Variants in OR4Q3 observed in about 807,000 individuals in gnomAD.
OR4Q3 encodes the protein olfactory receptor family 4 subfamily Q member 3, also known as olfactory receptor 4Q3.
Under a neutral mutation model 18.8 loss-of-function variants are expected in OR4Q3, and 17 were observed. That is an observed-to-expected ratio of 0.91 (90% confidence interval 0.62 to 1.36). The LOEUF (loss-of-function observed/expected upper bound fraction) is 1.36. OR4Q3 is among the 40% of genes most tolerant of loss of function. The probability of loss-of-function intolerance (pLI) is 0.00; values close to 1 mark genes in which losing one functional copy is unlikely to be tolerated. For synonymous variants in OR4Q3, 158 were observed against 145.8 expected, an observed-to-expected ratio of 1.08 and a Z score of -0.60; for missense variants, 378 against 373.4, an observed-to-expected ratio of 1.01 and a Z score of -0.10.
downstream of OR4Q3, among the ~76,000 whole-genome samples, chr14:19,750,410 G>A: frequency 6.6e-6 from 1 of 152,172 alleles, no homozygotes; most frequent in Admixed American, 6.6e-5. Flanking sequence ...AATATTTTAT[G>A]GCTATGAAAA....
downstream of OR4Q3, among the ~76,000 whole-genome samples, chr14:19,752,153 A>G: frequency 2.0e-5 from 3 of 152,230 alleles, no homozygotes; most frequent in Admixed American, 6.5e-5. Flanking sequence ...TTGCAACAAA[A>G]CCAAAAATTG....
exon 1 of OR4Q3, chr14:19,743,587 T>A (rs1010072612): frequency 1.3e-5 from 2 of 152,482 alleles, no homozygotes; most frequent in African/African-American, 4.8e-5. Context: ...TTTGCTGGCC[T>A]GAGGCTGAAG....
At chr14:19,750,668 G>A, downstream of OR4Q3, among the ~76,000 whole-genome samples, 457 of 152,206 alleles carry the variant, frequency 3.0e-3, 1 homozygote, top group South Asian at 0.039. Context: ...TTATTTTTGT[G>A]TTGGGAGTTA....
chr14:19,751,513 G>A, downstream of OR4Q3, among the ~76,000 whole-genome samples: 1 of 150,316 alleles, frequency 6.7e-6, no homozygotes, highest in Admixed American at 6.6e-5. Context: ...TCTGGTCCTG[G>A]GCTTTTTTTG....
At chr14:19,747,490 G>C in exon 2 of OR4Q3, 1 of 1,613,218 alleles carries the variant, frequency 6.2e-7, no homozygotes. Flanking sequence ...CATCTTCTTG[G>C]GAGCTGCAGC....
At chr14:19,744,960 A>G in intron 1 of OR4Q3, among the ~76,000 whole-genome samples, 1 of 152,304 alleles carries the variant, frequency 6.6e-6, no homozygotes, top group South Asian at 2.1e-4. Context: ...AAATGTGGAA[A>G]TGTTACTAAA....
intron 1 of OR4Q3, among the ~76,000 whole-genome samples, chr14:19,745,953 T>G: frequency 1.4e-4 from 22 of 152,190 alleles, no homozygotes; most frequent in African/African-American, 5.3e-4. Flanking sequence ...ACAATCATGG[T>G]GTGACAGAGG....
downstream of OR4Q3, among the ~76,000 whole-genome samples, chr14:19,750,510 C>A: frequency 6.6e-6 from 1 of 152,066 alleles, no homozygotes; most frequent in Non-Finnish European, 1.5e-5. Flanking sequence ...AATGAATTGC[C>A]ATAGAGAGGC....
chr14:19,751,373 T>C, downstream of OR4Q3, among the ~76,000 whole-genome samples: 3 of 152,224 alleles, frequency 2.0e-5, no homozygotes, highest in African/African-American at 7.2e-5. Context: ...GATTTTGGTA[T>C]TAAGCTGATG....
chr14:19,747,840 A>T, exon 2 of OR4Q3: 1 of 1,607,998 alleles, frequency 6.2e-7, no homozygotes, highest in African/African-American at 1.4e-5. Context: ...ACAGTCATGA[A>T]CCCCCAGCTA....
At chr14:19,749,117 A>G in exon 2 of OR4Q3, 3 of 152,318 alleles carry the variant, frequency 2.0e-5, no homozygotes, top group African/African-American at 7.2e-5. Context: ...CTGGCTCTTC[A>G]ACTGACCATA....
intron 1 of OR4Q3, 146 bp downstream of exon 1, chr14:19,743,817 G>C (rs1345408875): frequency 6.6e-6 from 1 of 152,108 alleles, no homozygotes; most frequent in Non-Finnish European, 1.5e-5. Flanking sequence ...GATCATTTGA[G>C]TTTTTTGTTT....
chr14:19,746,157 A>C lies in OR4Q3; in HGVS notation c.3-1249A>C. ...AACATTCTCTGAATGACTTGATAGA[A>C]CCCAGTGCAACATGGATTACAAAGC... On this transcript the variant is annotated intron_variant, in intron 1 of 1. Transcript: ENST00000642117. 9.9e-5 allele frequency among the ~76,000 whole-genome samples: 15 copies of C among 151,868 alleles called. 1 individual carries two copies. The highest frequency in any genetic ancestry group is 3.6e-4 in the African/African-American group (15 of 41,318).
chr14:19,749,662 A>G, downstream of OR4Q3, among the ~76,000 whole-genome samples: 1 of 144,484 alleles, frequency 6.9e-6, no homozygotes, highest in Non-Finnish European at 1.5e-5. Flanking sequence ...TATATAATTA[A>G]GTTAATATTT....
At chr14:19,751,154 T>A, downstream of OR4Q3, among the ~76,000 whole-genome samples, 4 of 152,354 alleles carry the variant, frequency 2.6e-5, no homozygotes, top group African/African-American at 9.6e-5. Flanking sequence ...ATTGGTAGCA[T>A]TATTTTAAGA....
intron 1 of OR4Q3, among the ~76,000 whole-genome samples, chr14:19,745,000 T>C: frequency 6.6e-6 from 1 of 152,182 alleles, no homozygotes; most frequent in Non-Finnish European, 1.5e-5. Context: ...TATTGTTTAG[T>C]ATTATGTTTC....
chr14:19,744,845 G>C, intron 1 of OR4Q3, among the ~76,000 whole-genome samples: 1 of 152,140 alleles, frequency 6.6e-6, no homozygotes, highest in Non-Finnish European at 1.5e-5. Context: ...ATTCCTTCAT[G>C]TTGATGGGTG....
chr14:19,749,774 T>TTTTCTTTCTCTTTC, downstream of OR4Q3, among the ~76,000 whole-genome samples: 2 of 131,356 alleles, frequency 1.5e-5, no homozygotes, highest in Admixed American at 1.6e-4. Flanking sequence ...CTTTTTCTCT[T>TTTTCTTTCTCTTTC]TTTCTTTCTC....
At chr14:19,743,904 T>C (rs927252026) in intron 1 of OR4Q3, among the ~76,000 whole-genome samples, 1 of 152,208 alleles carries the variant, frequency 6.6e-6, no homozygotes, top group African/African-American at 2.4e-5. Flanking sequence ...AGTGGCATCT[T>C]AGAAGACAGT....
Sources: allele counts gnomAD v4.1 joint callset (sites outside exome capture counted in the v4.1 genomes callset), GRCh38; gene constraint gnomAD v4.1.1; transcripts MANE v1.5; gene names NCBI Gene and HGNC (gene_info 2026-07-23, HGNC 2026-07-21).